The following ITGAE variants were observed in gnomAD, a reference collection of about 807,000 sequenced individuals.
The protein encoded by ITGAE is integrin subunit alpha E, also known as integrin alpha-E.
ITGAE carries 99 observed loss-of-function variants against 136.5 expected under a neutral mutation model. The ratio of observed to expected loss-of-function variants is 0.73; its 90% confidence interval spans 0.62 to 0.86. The LOEUF is 0.86. ITGAE is among the 40% of genes least tolerant of loss of function. The pLI is 0.00. For missense variants in ITGAE, 1,447 were observed against 1,515.3 expected (o/e 0.95, Z 0.75); for synonymous variants, 613 against 591.8 (o/e 1.04, Z -0.52).
chr17:3,755,942 AG>A, intron 10 of ITGAE, 45 bp from the exon 11 acceptor site: 1 of 1,545,902 alleles, frequency 6.5e-7, no homozygotes, highest in East Asian at 2.4e-5. Context: ...GCCGAGGTGA[AG>A]GGAGAAACTG....
At chr17:3,772,092 G>A (rs536105928) in intron 2 of ITGAE, among the ~76,000 whole-genome samples, 1 of 152,142 alleles carries the variant, frequency 6.6e-6, no homozygotes, top group South Asian at 2.1e-4. Context: ...TTACTCAGCC[G>A]GCCTCCAGGC....
In ITGAE at chr17:3,731,138, T is replaced by C. The variant is rs745775418; in HGVS notation, c.2800A>G (p.Asn934Asp). The change falls in exon 23 of 31, where the codon AAC (asparagine) becomes GAC (aspartate). Residue 934 changes from asparagine to aspartate, a missense_variant. By Grantham distance (23) the Asn-to-Asp change is conservative (BLOSUM62 1). Coordinates refer to ENST00000263087, the MANE Select transcript of ITGAE (RefSeq NM_002208.5). ...GTCACAGTGATGTCTGCTGTCCTGT[T>C]TGGAAAGGCATTCTCCTCTAGCTGC... ...VWQLEENAFP[N>D]RTADITVTVT... The C allele has an allele frequency of 3.7e-6, 6 of 1,613,818 alleles. No individual in the cohort carries two copies. The highest frequency in any genetic ancestry group is 8.5e-7 in the Non-Finnish European group (1 of 1,179,796).
intron 2 of ITGAE, among the ~76,000 whole-genome samples, chr17:3,773,287 C>T (rs893265682): frequency 2.0e-5 from 3 of 151,790 alleles, no homozygotes; most frequent in Non-Finnish European, 2.9e-5. Flanking sequence ...GTCAGGAGTT[C>T]GAGACCAGCC....
At chr17:3,747,598 C>T (rs528158945) in intron 17 of ITGAE, among the ~76,000 whole-genome samples, 8 of 152,152 alleles carry the variant, frequency 5.3e-5, no homozygotes, top group Admixed American at 2.6e-4. Context: ...CGTGAGCCAC[C>T]GCGCCCGGCC....
At chr17:3,768,010 G>A (rs568230810) in intron 2 of ITGAE, among the ~76,000 whole-genome samples, 1 of 152,246 alleles carries the variant, frequency 6.6e-6, no homozygotes, top group African/African-American at 2.4e-5. Flanking sequence ...TTCTAGAAGG[G>A]ACCCAGCCCT....
chr17:3,735,501 CAG>C (rs141466534), intron 20 of ITGAE, among the ~76,000 whole-genome samples: 1,881 of 152,098 alleles, frequency 0.012, 40 homozygotes, highest in African/African-American at 0.042. Flanking sequence ...TTTGTAGAGA[CAG>C]GGTCTCGCCA....
chr17:3,719,252 A>AAAAGAAAAG (rs1555572872), intron 29 of ITGAE, among the ~76,000 whole-genome samples: 1 of 130,306 alleles, frequency 7.7e-6, no homozygotes, highest in Non-Finnish European at 1.6e-5. Context: ...AAAAAAAAAA[A>AAAAGAAAAG]AAAAGAAAAG....
At chr17:3,796,899 G>A in intron 1 of ITGAE, among the ~76,000 whole-genome samples, 1 of 152,076 alleles carries the variant, frequency 6.6e-6, no homozygotes. Flanking sequence ...GAAGAAGTGG[G>A]GCTAGATGCA....
chr17:3,720,673 G>GT (rs749151145), intron 28 of ITGAE: 8 of 254,124 alleles, frequency 3.1e-5, no homozygotes, highest in Non-Finnish European at 5.3e-5. Context: ...CCTCCACCCC[G>GT]TCAGGTTCAA....
Position 3,716,843 on chromosome 17 carries a change from C to T in ITGAE, c.3334-45G>A, listed in dbSNP as rs567370514. The T allele has an allele frequency of 4.3e-5, 50 of 1,159,250 alleles. No homozygotes were observed. In the East Asian group the frequency reaches 4.5e-4, roughly 10 times the overall value. 71.8% of individuals were successfully genotyped at this position (1,159,250 alleles called of 1,614,324 possible). A position where few individuals can be genotyped will look rare whatever the true frequency, so the allele number is the denominator to read the frequency against. ...CGCCCAATAAATCAGGTGAAGCAAACAAGGAAAAAATCCTACATGTTATTT... is the reference window on the plus strand; with the variant it reads ...CGCCCAATAAATCAGGTGAAGCAAATAAGGAAAAAATCCTACATGTTATTT... On this transcript the variant is annotated intron_variant, in intron 29 of 30. Coordinates refer to ENST00000263087, the MANE Select transcript of ITGAE (RefSeq NM_002208.5).
chr17:3,727,634 T>G (rs950618707), intron 26 of ITGAE, among the ~76,000 whole-genome samples: 1 of 151,992 alleles, frequency 6.6e-6, no homozygotes, highest in Non-Finnish European at 1.5e-5. Context: ...CTGCTGACCT[T>G]GTGATCCACC....
intron 19 of ITGAE, among the ~76,000 whole-genome samples, chr17:3,741,293 T>C (rs1303409792): frequency 6.6e-6 from 1 of 151,172 alleles, no homozygotes; most frequent in Non-Finnish European, 1.5e-5. Context: ...TTCACTGTGT[T>C]AGCCAGGATG....
rs781369028 is a variant in ITGAE at position 3,748,042 on chromosome 17, C to T, written c.2035G>A (p.Val679Met). Residue 679 changes from valine to methionine, a missense_variant, in exon 17 of 31, where the codon GTG (valine) becomes ATG (methionine). Coordinates refer to ENST00000263087, the MANE Select transcript of ITGAE (RefSeq NM_002208.5). The stretch of plus-strand genomic sequence containing the variant: ...GCCATGGAGACCTTCAGGCGAACCA[C>T]AGGCCGGGAGCTAAACAAGACAGCA... The part of the protein sequence containing the change: ...GQAVVFRSRP[V>M]VRLKVSMAFT... 2 of 1,611,768 alleles carry T rather than the reference C, an allele frequency of 1.2e-6. No homozygotes were observed. The highest frequency in any genetic ancestry group is 1.7e-6 in the Non-Finnish European group (2 of 1,178,656).
chr17:3,772,270 G>A (rs2052442773), intron 2 of ITGAE, among the ~76,000 whole-genome samples: 1 of 152,070 alleles, frequency 6.6e-6, no homozygotes. Flanking sequence ...TGGGGTCATT[G>A]TCACTCTTGT....
At chr17:3,778,125 C>T (rs1400876659) in intron 1 of ITGAE, among the ~76,000 whole-genome samples, 2 of 151,940 alleles carry the variant, frequency 1.3e-5, no homozygotes, top group Non-Finnish European at 2.9e-5. Context: ...CAGCTTTATT[C>T]GGAAGAGCCC....
At chr17:3,764,202 AG>A (rs1300760629) in intron 2 of ITGAE, among the ~76,000 whole-genome samples, 3 of 152,286 alleles carry the variant, frequency 2.0e-5, no homozygotes, top group Admixed American at 6.5e-5. Flanking sequence ...CTGACAAAGA[AG>A]GGGTGATACT....
At chr17:3,782,340 AGTGT>A (rs151134975) in intron 1 of ITGAE, among the ~76,000 whole-genome samples, 23 of 109,612 alleles carry the variant, frequency 2.1e-4, no homozygotes, top group South Asian at 7.2e-4. Flanking sequence ...TTAAATCTCT[AGTGT>A]GTGTGTGTGT....
At chr17:3,780,434 A>T (rs906381573) in intron 1 of ITGAE, among the ~76,000 whole-genome samples, 12 of 151,944 alleles carry the variant, frequency 7.9e-5, no homozygotes, top group Non-Finnish European at 1.3e-4. Flanking sequence ...AAGTGCTGGG[A>T]TTACAGGCGT....
chr17:3,761,046 C>A lies in ITGAE; in HGVS notation c.565G>T (p.Glu189Ter), dbSNP rs777782777. ...TCCTCCTCCTCGTCTTCCTCCTCCT[C>A]CTTGTCTTCCTCCTCCTCCTTCTCC... ...ALEKEEEEDKEEEEDEEEEEA... is the reference protein window; with the variant it reads ...ALEKEEEEDK Residue 189 changes from glutamate (E) to a stop codon, truncating the protein, a stop_gained, in exon 6 of 31, where the codon GAG becomes TAG. Transcript: ENST00000263087. LOFTEE classifies it high-confidence loss of function. The A allele has an allele frequency of 1.1e-5, 18 of 1,606,740 alleles. No homozygotes were observed. Among genetic ancestry groups the A allele is most frequent in the Non-Finnish European group, 1.4e-5 (17 of 1,179,770 alleles).
Sources: allele counts gnomAD v4.1 joint callset (sites outside exome capture counted in the v4.1 genomes callset), GRCh38; gene constraint gnomAD v4.1.1; transcripts MANE v1.5; gene names NCBI Gene and HGNC (gene_info 2026-07-23, HGNC 2026-07-21).